SAMSN1: variants seen among roughly 807,000 people sequenced by gnomAD.
The protein encoded by SAMSN1 is SAM domain-containing protein SAMSN-1.
SAMSN1 carries 31 observed loss-of-function variants against 42.0 expected under a neutral mutation model. The observed-to-expected ratio is 0.74, with a 90% CI of 0.55 to 1.00. The LOEUF (loss-of-function observed/expected upper bound fraction) is 1.00, where lower values mean the gene tolerates loss of function less well. SAMSN1 is among the 50% of genes least tolerant of loss of function. The pLI is 0.00. For missense variants in SAMSN1, 464 were observed against 439.4 expected (o/e 1.06, Z -0.50); for synonymous variants, 178 against 151.9 (o/e 1.17, Z -1.26).
intron 2 of SAMSN1, among the ~76,000 whole-genome samples, chr21:14,626,929 A>G (rs1473498336): frequency 6.6e-6 from 1 of 152,218 alleles, no homozygotes; most frequent in Non-Finnish European, 1.5e-5. Flanking sequence ...CATATACACC[A>G]TGGAATACTA....
intron 1 of SAMSN1, among the ~76,000 whole-genome samples, chr21:14,647,173 A>G (rs192651320): frequency 6.6e-6 from 1 of 152,330 alleles, no homozygotes; most frequent in East Asian, 1.9e-4. Flanking sequence ...CCTGCAAGAA[A>G]CACACTTCAA....
rs1983915335 is a variant in SAMSN1, at chr21:14,656,283, G to A, written c.24+2465C>T. On this transcript the variant is annotated intron_variant, in intron 1 of 15. Coordinates refer to the SAMSN1 transcript ENST00000647101. Reference sequence around the variant, plus strand: ...CAAATGGGGAGCAGGGTATTCTTCTGAATAAGACTCACTTGGCAGCAGAAT... The same window carrying A: ...CAAATGGGGAGCAGGGTATTCTTCTAAATAAGACTCACTTGGCAGCAGAAT... Among the ~76,000 whole-genome samples the A allele has an allele frequency of 2.6e-5, 4 of 151,768 alleles. No homozygotes were observed. In the South Asian group the frequency reaches 8.3e-4, roughly 31 times the overall value.
chr21:14,549,218 G>A (rs1980522012), upstream of SAMSN1, among the ~76,000 whole-genome samples: 1 of 152,118 alleles, frequency 6.6e-6, no homozygotes, highest in Non-Finnish European at 1.5e-5. Flanking sequence ...AAGGAAATTA[G>A]AGATCATGGG....
chr21:14,552,227 T>C (rs1258324512), intron 2 of SAMSN1, among the ~76,000 whole-genome samples: 1 of 152,090 alleles, frequency 6.6e-6, no homozygotes, highest in Non-Finnish European at 1.5e-5. Flanking sequence ...TAATAATCAT[T>C]GTCTCTAATT....
chr21:14,634,070 C>T (rs908144234), intron 2 of SAMSN1, among the ~76,000 whole-genome samples: 1 of 151,496 alleles, frequency 6.6e-6, no homozygotes, highest in African/African-American at 2.4e-5. Context: ...TATCATTATC[C>T]CTATTTTACA....
At chr21:14,591,760 C>T (rs1294039866) in intron 7 of SAMSN1, among the ~76,000 whole-genome samples, 2 of 152,068 alleles carry the variant, frequency 1.3e-5, no homozygotes, top group East Asian at 3.9e-4. Context: ...AGTCTTATTC[C>T]ACTGTAAAAA....
At chr21:14,593,774 GA>G (rs915117739) in intron 7 of SAMSN1, 2 of 316,510 alleles carry the variant, frequency 6.3e-6, no homozygotes, top group African/African-American at 4.3e-5. Context: ...AAATTTTAGG[GA>G]AAATTTTTTA....
chr21:14,551,552 C>A (rs1215512147), intron 2 of SAMSN1, among the ~76,000 whole-genome samples: 3 of 151,822 alleles, frequency 2.0e-5, no homozygotes, highest in Admixed American at 1.3e-4. Flanking sequence ...TAAGTATTTC[C>A]TTTCTAAGTG....
At chr21:14,562,609 G>A (rs1980982041) in intron 2 of SAMSN1, among the ~76,000 whole-genome samples, 1 of 151,206 alleles carries the variant, frequency 6.6e-6, no homozygotes, top group Admixed American at 6.6e-5. Context: ...ATATTTTTAT[G>A]ATTAAAAAAT....
At chr21:14,516,859 G>T (rs764035635) in intron 3 of SAMSN1, 33 bp downstream of exon 3, 69 of 1,560,480 alleles carry the variant, frequency 4.4e-5, no homozygotes, top group Non-Finnish European at 5.8e-5. Flanking sequence ...AGTTTTAGTA[G>T]AAAAATACAA....
At chr21:14,590,857 C>T (rs977369049) in intron 7 of SAMSN1, among the ~76,000 whole-genome samples, 8 of 152,094 alleles carry the variant, frequency 5.3e-5, no homozygotes, top group African/African-American at 1.9e-4. Flanking sequence ...TGACCTAAAA[C>T]ATATTCTAAA....
chr21:14,529,978 T>A (rs953931394), intron 1 of SAMSN1, among the ~76,000 whole-genome samples: 1 of 152,176 alleles, frequency 6.6e-6, no homozygotes, highest in African/African-American at 2.4e-5. Context: ...TTTTCAAAAA[T>A]TAGTAGATTT....
At chr21:14,517,320 C>A (rs1987961923) in intron 2 of SAMSN1, among the ~76,000 whole-genome samples, 1 of 152,178 alleles carries the variant, frequency 6.6e-6, no homozygotes. Flanking sequence ...TTTTAAATAG[C>A]TGTATTGAAG....
chr21:14,565,286 C>CAAA (rs71330076), intron 2 of SAMSN1, among the ~76,000 whole-genome samples: 11 of 109,590 alleles, frequency 1.0e-4, no homozygotes, highest in Non-Finnish European at 1.9e-4. Flanking sequence ...AGACTCTATC[C>CAAA]AAAAAAAAAA....
chr21:14,644,861 G>A (rs1326690504), intron 1 of SAMSN1, among the ~76,000 whole-genome samples: 2 of 152,248 alleles, frequency 1.3e-5, no homozygotes, highest in African/African-American at 4.8e-5. Context: ...TGGGCCTTAA[G>A]AGAGCATCTG....
At chr21:14,576,810 T>C (rs1055404129) in intron 2 of SAMSN1, among the ~76,000 whole-genome samples, 1 of 152,168 alleles carries the variant, frequency 6.6e-6, no homozygotes, top group East Asian at 1.9e-4. Flanking sequence ...TGATTTTTGT[T>C]ATATGATTCT....
At chr21:14,487,614 G>A (rs913546552) in intron 7 of SAMSN1, among the ~76,000 whole-genome samples, 5 of 152,124 alleles carry the variant, frequency 3.3e-5, no homozygotes, top group African/African-American at 4.8e-5. Flanking sequence ...AATACTGGTT[G>A]AGAAAGGCTG....
rs7282100 is a variant in SAMSN1, at chr21:14,590,234, G to A, written c.465+3779C>T. Among the ~76,000 whole-genome samples the A allele has an allele frequency of 9.4e-3, 1,418 of 150,816 alleles. 28 individuals carry two copies. Among genetic ancestry groups the A allele is most frequent in the South Asian group, 0.072 (342 of 4,760 alleles). On this transcript the variant is annotated intron_variant, in intron 7 of 15. Coordinates refer to the SAMSN1 transcript ENST00000647101. ...CTTCTTAGTTTTCTACAGTGAAGAT[G>A]TGTTAGTTTTGTAATTAGCATAATT... is the stretch of plus-strand genomic sequence containing the variant.
In SAMSN1 at chr21:14,510,307, C is replaced by T. The variant is rs1378792154; in HGVS notation, c.561+3G>A. 1.9e-6 allele frequency: 3 copies of T among 1,613,910 alleles called. No individual in the cohort carries two copies. Among genetic ancestry groups the T allele is most frequent in the Admixed American group, 3.3e-5 (2 of 60,008 alleles). On this transcript the variant is annotated splice_donor_region_variant and intron_variant, in intron 5 of 7. Coordinates refer to ENST00000400566, the MANE Select transcript of SAMSN1 (RefSeq NM_022136.5). ...CAGAAGGTGGGATATGATGTCCTCT[C>T]ACCTTGATTTTGAGGGAGTCAGTGT...
Sources: allele counts gnomAD v4.1 joint callset (sites outside exome capture counted in the v4.1 genomes callset), GRCh38; gene constraint gnomAD v4.1.1; transcripts MANE v1.5; gene names NCBI Gene and HGNC (gene_info 2026-07-23, HGNC 2026-07-21).